Variants in BMPR2 observed in about 807,000 individuals in gnomAD.
The protein encoded by BMPR2 is bone morphogenetic protein receptor type 2.
In BMPR2, 29 loss-of-function variants were observed where a neutral mutation model predicts 100.8. The ratio of observed to expected loss-of-function variants is 0.29; its 90% CI spans 0.21 to 0.39. The LOEUF is 0.39. Ranked by LOEUF, BMPR2 falls within the 10% of genes least tolerant of loss-of-function variation. The probability of loss-of-function intolerance (pLI) is 1.00; values close to 1 mark genes in which losing one functional copy is unlikely to be tolerated. For missense variants in BMPR2, 1,011 were observed against 1,274.5 expected (o/e 0.79, Z 3.15); for synonymous variants, 382 against 442.3 (o/e 0.86, Z 1.71).
chr2:202,435,376 C>CATAA (rs1553500538), intron 1 of BMPR2, among the ~76,000 whole-genome samples: 1 of 103,450 alleles, frequency 9.7e-6, no homozygotes, highest in Admixed American at 1.1e-4. Context: ...AAAAAAAATA[C>CATAA]ATATATATAT....
In BMPR2 at chr2:202,443,915, A is replaced by G. The variant is rs1276324849; in HGVS notation, c.77-20894A>G. ...GTGTATATGGAGGAGCCATATGTGC[A>G]TTGTAAGATTTTGCCAGCATCCTTG... On this transcript the variant is annotated intron_variant, in intron 1 of 12. Transcript: ENST00000374580. Among the ~76,000 whole-genome samples, 5 of 150,390 alleles carry G rather than the reference A, an allele frequency of 3.3e-5. No homozygotes were observed. In the South Asian group the frequency reaches 6.2e-4, roughly 19 times the overall value.
At position 202,552,780 on chromosome 2, in the gene BMPR2, C is replaced by G. The variant is rs1297544233; in HGVS notation, c.1478C>G (p.Thr493Ser). The part of the protein sequence containing the change: ...CWDQDAEARL[T>S]AQCAEERMAE... ...GACCAGGATGCAGAGGCTCGGCTTA[C>G]TGCACAGTGTGCTGAGGAAAGGATG... Residue 493 changes from threonine to serine, a missense_variant, in exon 11 of 13, where the codon ACT becomes AGT. By Grantham distance (58) the Thr-to-Ser change is moderately conservative. Coordinates refer to ENST00000374580, the MANE Select transcript of BMPR2 (RefSeq NM_001204.7). 1 of 1,614,144 alleles carries G rather than the reference C, an allele frequency of 6.2e-7. No homozygotes were observed. Among genetic ancestry groups the G allele is most frequent in the South Asian group, 1.1e-5 (1 of 91,084 alleles).
rs150238823 is a variant in BMPR2 at position 202,478,018 on chromosome 2, G to A, written c.418+10329G>A. 3.0e-3 allele frequency among the ~76,000 whole-genome samples: 451 copies of A among 152,204 alleles called. 1 individual carries two copies. Among genetic ancestry groups the A allele is most frequent in the African/African-American group, 0.011 (437 of 41,522 alleles). The stretch of plus-strand genomic sequence containing the variant: ...TGCTTTCATGGTTATTCCTAGACAT[G>A]CACAGAGTGGCAAAAAATTCAAGTC... On this transcript the variant is annotated intron_variant, in intron 3 of 12. Coordinates refer to ENST00000374580, the MANE Select transcript of BMPR2 (RefSeq NM_001204.7).
At chr2:202,549,446 G>A (rs1010704998) in intron 10 of BMPR2, among the ~76,000 whole-genome samples, 2 of 152,098 alleles carry the variant, frequency 1.3e-5, no homozygotes, top group Admixed American at 6.5e-5. Flanking sequence ...CATTTACTTA[G>A]GTAAATATCT....
intron 3 of BMPR2, among the ~76,000 whole-genome samples, chr2:202,485,543 A>ATATTTTTTTTTTTT: frequency 7.1e-5 from 1 of 14,056 alleles, no homozygotes; most frequent in South Asian, 4.0e-3. Flanking sequence ...CTTTGCCTTT[A>ATATTTTTTTTTTTT]TCTTTTTTTT....
At chr2:202,552,208 T>G (rs1025135999) in intron 10 of BMPR2, among the ~76,000 whole-genome samples, 2 of 152,070 alleles carry the variant, frequency 1.3e-5, no homozygotes, top group Non-Finnish European at 2.9e-5. Flanking sequence ...CAAACTGGTC[T>G]CAAACTCCTA....
At chr2:202,468,363 A>G (rs1158301409) in intron 3 of BMPR2, among the ~76,000 whole-genome samples, 3 of 152,102 alleles carry the variant, frequency 2.0e-5, no homozygotes, top group Non-Finnish European at 4.4e-5. Context: ...TGTGTAGTTC[A>G]GCTATTTGGG....
chr2:202,518,045 C>T (rs1203586549), intron 5 of BMPR2, among the ~76,000 whole-genome samples: 2 of 131,718 alleles, frequency 1.5e-5, no homozygotes, highest in African/African-American at 5.8e-5. Context: ...CCAGGATGGT[C>T]TCGATCTCCT....
At chr2:202,487,778 G>A (rs1257627721) in intron 3 of BMPR2, among the ~76,000 whole-genome samples, 2 of 152,196 alleles carry the variant, frequency 1.3e-5, no homozygotes, top group African/African-American at 4.8e-5. Flanking sequence ...TCAAACTTTA[G>A]CATTAATCAG....
chr2:202,447,185 G>A (rs2105944352), intron 1 of BMPR2, among the ~76,000 whole-genome samples: 1 of 150,060 alleles, frequency 6.7e-6, no homozygotes, highest in East Asian at 2.0e-4. Flanking sequence ...GCAGATGCCT[G>A]TAATCCCAGC....
rs33963123 is a variant in BMPR2 at position 202,441,717 on chromosome 2, CA to C, written c.77-23069del. On this transcript the variant is annotated intron_variant, in intron 1 of 12. Coordinates refer to ENST00000374580, the MANE Select transcript of BMPR2 (RefSeq NM_001204.7). ...TGGGCGACAGAGCAAGACTCCGTCT[CA>C]AAAAAAAAAAAAAAAAAAAAAATTA... 9.7e-3 allele frequency among the ~76,000 whole-genome samples: 425 copies of C among 43,970 alleles called. 2 individuals are homozygous for C. Among genetic ancestry groups the C allele is most frequent in the African/African-American group, 0.031 (274 of 8,850 alleles). The allele number at this position is 43,970 out of a possible 152,430, so 28.8% of individuals were successfully genotyped here.
intron 1 of BMPR2, among the ~76,000 whole-genome samples, chr2:202,426,190 C>G (rs1163435785): frequency 6.6e-6 from 1 of 152,150 alleles, no homozygotes; most frequent in African/African-American, 2.4e-5. Context: ...TTAGGATGAT[C>G]AGAGCTTGCC....
At chr2:202,464,099 CGGTGA>C (rs1430779908) in intron 1 of BMPR2, among the ~76,000 whole-genome samples, 18 of 130,924 alleles carry the variant, frequency 1.4e-4, no homozygotes, top group African/African-American at 5.2e-4. Context: ...GCAGAGGTTG[CGGTGA>C]GGCGAGATTG....
chr2:202,476,544 T>G (rs925891555), intron 3 of BMPR2, among the ~76,000 whole-genome samples: 1 of 152,096 alleles, frequency 6.6e-6, no homozygotes, highest in African/African-American at 2.4e-5. Context: ...ATCCTAGCAC[T>G]TGGGGAGGCC....
intron 3 of BMPR2, among the ~76,000 whole-genome samples, chr2:202,486,624 C>CAA (rs200186562): frequency 2.8e-4 from 32 of 113,546 alleles, no homozygotes; most frequent in African/African-American, 3.1e-4. Flanking sequence ...AGACTGTCTC[C>CAA]AAAAAAAAAA....
chr2:202,488,289 A>T (rs1056183858), intron 3 of BMPR2, among the ~76,000 whole-genome samples: 1 of 152,148 alleles, frequency 6.6e-6, no homozygotes, highest in Non-Finnish European at 1.5e-5. Context: ...ATTATGACAT[A>T]AGTGCTGACA....
rs1056022256 is a variant in BMPR2 at position 202,533,535 on chromosome 2, TAAAA to T, written c.1276+807_1276+810del. On this transcript the variant is annotated intron_variant, in intron 9 of 12. Transcript: ENST00000374580. ...AGAGCAAAACTCTGTCTCAAAAAAA[TAAAA>T]AAAGGCCTGGCGCGGTGGCTTACAC... Among the ~76,000 whole-genome samples the T allele has an allele frequency of 1.5e-4, 23 of 148,838 alleles. 1 individual carries two copies. Among genetic ancestry groups the T allele is most frequent in the African/African-American group, 5.7e-4 (23 of 40,242 alleles).
chr2:202,542,039 AG>A (rs199996588), intron 9 of BMPR2, among the ~76,000 whole-genome samples: 477 of 151,760 alleles, frequency 3.1e-3, no homozygotes, highest in African/African-American at 0.011. Context: ...TGAACCCGGG[AG>A]GCAGAGGTTG....
chr2:202,392,619 T>C (rs1657443366), intron 1 of BMPR2, among the ~76,000 whole-genome samples: 1 of 152,204 alleles, frequency 6.6e-6, no homozygotes, highest in African/African-American at 2.4e-5. Context: ...CATTTCTGGC[T>C]CTCATTGTAG....
Sources: gnomAD v4.1 joint callset for allele counts (sites outside exome capture counted in the v4.1 genomes callset) on GRCh38, gnomAD v4.1.1 for gene constraint, MANE v1.5 for transcripts, NCBI Gene and HGNC (gene_info 2026-07-23, HGNC 2026-07-21) for gene names.